PML: variants seen among roughly 807,000 people sequenced by gnomAD.
PML encodes protein PML.
In PML, 28 loss-of-function variants were observed where a neutral mutation model predicts 65.2. That is an observed-to-expected ratio of 0.43 (90% confidence interval 0.32 to 0.59). The LOEUF is 0.59. Among genes scored for constraint, PML ranks in the 20% least tolerant of loss-of-function variants. PML has a pLI of 0.08. For missense variants in PML, 1,021 were observed against 1,203.4 expected, an observed-to-expected ratio of 0.85 and a Z score of 2.24; for synonymous variants, 500 against 508.8, an observed-to-expected ratio of 0.98 and a Z score of 0.23.
At chr15:74,034,677 C>T in intron 7 of PML, 147 bp downstream of exon 7, 1 of 1,571,918 alleles carries the variant, frequency 6.4e-7, no homozygotes, top group Non-Finnish European at 8.6e-7. Flanking sequence ...GTGCTGAGGA[C>T]AGTCTCCAAA....
rs1473414514 is a variant in PML, at chr15:74,042,921, C to T, written c.1711-68C>T. The stretch of plus-strand genomic sequence containing the variant: ...AGATGCTCCCAGCTATACCAGCTTG[C>T]TAGTGTTCTGCACAGGTGCTTGCCT... On this transcript the variant is annotated intron_variant, in intron 7 of 8. Transcript: ENST00000268058. The surrounding 1 kb of genome is among the most constrained non-coding windows in gnomAD (Gnocchi z 5.3). 1.2e-6 allele frequency: 2 copies of T among 1,611,072 alleles called. No individual in the cohort carries two copies. Among genetic ancestry groups the T allele is most frequent in the African/African-American group, 1.3e-5 (1 of 74,782 alleles).
chr15:74,035,537 A>G lies in PML; in HGVS notation c.1710+1007A>G. 6.2e-7 allele frequency: 1 copy of G among 1,610,852 alleles called. No homozygotes were observed. Among genetic ancestry groups the G allele is most frequent in the Non-Finnish European group, 8.5e-7 (1 of 1,179,300 alleles). Reference sequence around the variant, plus strand: ...GGACTTGGTCTCCCCATGTGGTCCAAGCCAGCACTCCTGCCATCACAGGGC... The same window carrying G: ...GGACTTGGTCTCCCCATGTGGTCCAGGCCAGCACTCCTGCCATCACAGGGC... On this transcript the variant is annotated intron_variant, in intron 7 of 8. Coordinates refer to ENST00000268058, the MANE Select transcript of PML (RefSeq NM_033238.3). The surrounding 1 kb of genome is among the most constrained non-coding windows in gnomAD (Gnocchi z 4.1).
intron 4 of PML, among the ~76,000 whole-genome samples, chr15:74,029,387 G>T (rs962785856): frequency 2.0e-4 from 31 of 152,178 alleles, no homozygotes; most frequent in African/African-American, 6.5e-4. Flanking sequence ...ACTTTGGGAG[G>T]CGGAGGCAAG....
intron 4 of PML, chr15:74,026,330 C>G (rs1038385058): frequency 6.6e-6 from 1 of 152,110 alleles, no homozygotes; most frequent in African/African-American, 2.4e-5. Flanking sequence ...ACCACTACGC[C>G]TGGCTAATTT....
intron 7 of PML, among the ~76,000 whole-genome samples, chr15:74,038,039 C>T (rs1289362699): frequency 6.6e-6 from 1 of 152,152 alleles, no homozygotes; most frequent in African/African-American, 2.4e-5. Context: ...GACCCCATAG[C>T]CACCCAGGGC....
Position 74,032,383 on chromosome 15 carries a change from A to T in PML, c.1255-189A>T, listed in dbSNP as rs542662446. 37 of 631,312 alleles carry T rather than the reference A, an allele frequency of 5.9e-5. No individual in the cohort carries two copies. In the Middle Eastern group the frequency reaches 1.3e-3, roughly 22 times the overall value. 39.1% of individuals were successfully genotyped at this position (631,312 alleles called of 1,614,324 possible). ...CCTGTCTCTACAAAAAAATTTTTTT[A>T]AAAAAAGGAGGTGATGTGATGGAGA... On this transcript the variant is annotated intron_variant, in intron 4 of 8. Coordinates refer to ENST00000268058, the MANE Select transcript of PML (RefSeq NM_033238.3).
Position 74,023,236 on chromosome 15 carries a change from G to A in PML, c.1011G>A (p.Lys337=). 2 of 1,611,052 alleles carry A rather than the reference G, an allele frequency of 1.2e-6. No homozygotes were observed. The highest frequency in any genetic ancestry group is 2.2e-5 in the South Asian group (2 of 91,028). ...RTGSALVQRM[K]CYASDQEVLD... ...GCAGCGCGCTGGTGCAGAGGATGAA[G>A]TGCTACGCCTCGGACCAGGAGGTGC... is the stretch of plus-strand genomic sequence containing the variant. Residue 337 remains lysine (K), a synonymous_variant, in exon 3 of 9, where the codon AAG becomes AAA. Transcript: ENST00000268058.
intron 4 of PML, chr15:74,032,281 CAGCACTCT>C (rs2071355584): frequency 2.1e-6 from 1 of 472,118 alleles, no homozygotes; most frequent in African/African-American, 2.0e-5. Flanking sequence ...CCTGTAATCC[CAGCACTCT>C]GGGAGACTGA....
chr15:74,036,043 C>G (rs1347783773), intron 7 of PML: 10 of 1,613,964 alleles, frequency 6.2e-6, no homozygotes, highest in African/African-American at 1.3e-5. Flanking sequence ...AGGCCCTGCA[C>G]AGAGTAGCAC....
Position 74,033,754 on chromosome 15 carries a change from A to G in PML, c.1657+340A>G, listed in dbSNP as rs565858238. 111 of 594,556 alleles carry G rather than the reference A, an allele frequency of 1.9e-4. 3 individuals carry two copies. In the South Asian group the frequency reaches 2.3e-3, roughly 12 times the overall value. 36.8% of individuals were successfully genotyped at this position (594,556 alleles called of 1,614,324 possible). A position where few individuals can be genotyped will look rare whatever the true frequency, so the allele number is the denominator to read the frequency against. On this transcript the variant is annotated intron_variant, in intron 6 of 8. Transcript: ENST00000268058. Reference sequence around the variant, plus strand: ...ATACTCCCAGAGAGGGCTTGGGCATACCATAACAGGAAACTGGACTCCCCA... The same window carrying G: ...ATACTCCCAGAGAGGGCTTGGGCATGCCATAACAGGAAACTGGACTCCCCA...
chr15:73,998,225 G>T lies in PML; in HGVS notation c.351G>T (p.Ser117=), dbSNP rs755039717. 1.9e-6 allele frequency: 3 copies of T among 1,614,194 alleles called. No individual in the cohort carries two copies. Among genetic ancestry groups the T allele is most frequent in the Admixed American group, 1.7e-5 (1 of 60,030 alleles). Residue 117 remains serine, a synonymous_variant, in exon 2 of 9, where the codon TCG becomes TCT. Coordinates refer to ENST00000268058, the MANE Select transcript of PML (RefSeq NM_033238.3). Reference sequence around the variant, plus strand: ...TCGAGAGTCTGCAGCGGCGCCTGTCGGTGTACCGGCAGATTGTGGATGCGC... The same window carrying T: ...TCGAGAGTCTGCAGCGGCGCCTGTCTGTGTACCGGCAGATTGTGGATGCGC... ...VFFESLQRRL[S]VYRQIVDAQA... is the part of the protein sequence containing the mutation.
intron 7 of PML, among the ~76,000 whole-genome samples, chr15:74,038,437 T>C (rs1298372935): frequency 6.6e-6 from 1 of 152,152 alleles, no homozygotes. Context: ...CCTAGAGACG[T>C]GGGGAGAGAG....
rs2071784235 is a variant in PML at position 74,047,708 on chromosome 15, G to C, written c.*2700G>C. The C allele has an allele frequency of 5.1e-6, 1 of 196,168 alleles. No homozygotes were observed. The highest frequency in any genetic ancestry group is 6.1e-5 in the Admixed American group (1 of 16,454). 12.2% of individuals were successfully genotyped at this position (196,168 alleles called of 1,614,324 possible). A position where few individuals can be genotyped will look rare whatever the true frequency, so the allele number is the denominator to read the frequency against. On this transcript the variant is annotated 3_prime_UTR_variant, in exon 9 of 9. Coordinates refer to ENST00000268058, the MANE Select transcript of PML (RefSeq NM_033238.3). ...TGGGAACCAATGAGAAAATGTGTGTGAAGATAGCTTTTTGGTATATTTTAA... is the reference window on the plus strand; with the variant it reads ...TGGGAACCAATGAGAAAATGTGTGTCAAGATAGCTTTTTGGTATATTTTAA...
At chr15:74,044,107 G>A in intron 8 of PML, 114 bp from the exon 9 acceptor site, 1 of 990,290 alleles carries the variant, frequency 1.0e-6, no homozygotes, top group Non-Finnish European at 1.6e-6. Context: ...ACTGCCAGCA[G>A]ACCCCAAGGT....
chr15:74,000,900 A>G (rs1045505150), intron 2 of PML, among the ~76,000 whole-genome samples: 1 of 152,212 alleles, frequency 6.6e-6, no homozygotes, highest in Admixed American at 6.5e-5. Flanking sequence ...TCTCTGCTCT[A>G]GAACAATTTG....
chr15:74,044,994 TC>T lies in PML; in HGVS notation c.2638del (p.Gln880SerfsTer8), dbSNP rs2071757319. 1.2e-6 allele frequency: 2 copies of T among 1,604,094 alleles called. No homozygotes were observed. Among genetic ancestry groups the T allele is most frequent in the Non-Finnish European group, 8.5e-7 (1 of 1,177,508 alleles). ...LAGRGLAERA[S>X]QQS ...TGGCCGTGGCTTGGCAGAGAGGGCC[TC>T]CCAGCAGAGCTGAGAGGAGGGGGTG... is the stretch of plus-strand genomic sequence containing the variant. On this transcript the variant is annotated frameshift_variant, in exon 9 of 9. Transcript: ENST00000268058. LOFTEE classifies it high-confidence loss of function.
In PML at chr15:74,046,389, C is replaced by T. The variant is rs1595924548; in HGVS notation, c.*1381C>T. 1 of 233,076 alleles carries T rather than the reference C, an allele frequency of 4.3e-6. No homozygotes were observed. Among genetic ancestry groups the T allele is most frequent in the Non-Finnish European group, 8.5e-6 (1 of 117,950 alleles). 14.4% of individuals were successfully genotyped at this position (233,076 alleles called of 1,614,324 possible). On this transcript the variant is annotated 3_prime_UTR_variant, in exon 9 of 9. Coordinates refer to ENST00000268058, the MANE Select transcript of PML (RefSeq NM_033238.3). ...AGCTCCCTGCTCCTGGGATGCTTCCCAAGCAGCCCAGGCCTCTAGCCTCCA... is the reference window on the plus strand; with the variant it reads ...AGCTCCCTGCTCCTGGGATGCTTCCTAAGCAGCCCAGGCCTCTAGCCTCCA...
intron 2 of PML, among the ~76,000 whole-genome samples, chr15:74,004,712 C>T (rs1196446866): frequency 6.6e-6 from 1 of 151,286 alleles, no homozygotes; most frequent in African/African-American, 2.4e-5. Flanking sequence ...TTGTATTCTG[C>T]TTTTTAATTT....
At chr15:74,014,390 G>T (rs2070469442) in intron 2 of PML, among the ~76,000 whole-genome samples, 1 of 151,766 alleles carries the variant, frequency 6.6e-6, no homozygotes, top group African/African-American at 2.4e-5. Flanking sequence ...GTAGCGCAGT[G>T]GCGTGATCTC....
Sources: gnomAD v4.1 joint callset for allele counts (sites outside exome capture counted in the v4.1 genomes callset) on GRCh38, gnomAD v4.1.1 for gene constraint, Gnocchi (gnomAD v3.1) non-coding constraint, MANE v1.5 for transcripts, NCBI Gene and HGNC (gene_info 2026-07-23, HGNC 2026-07-21) for gene names.